The following AFF3 variants were observed in gnomAD, a reference collection of about 807,000 sequenced individuals.
AFF3 encodes the protein ALF transcription elongation factor 3.
A neutral mutation model predicts 129.7 loss-of-function variants in AFF3; 32 were observed. The observed-to-expected ratio is 0.25, with a 90% CI of 0.19 to 0.33. AFF3 has a LOEUF of 0.33. AFF3 is among the 10% of genes least tolerant of loss of function. AFF3 has a pLI of 1.00. For missense variants in AFF3, 1,373 were observed against 1,592.0 expected (o/e 0.86, Z 2.34); for synonymous variants, 644 against 635.4 (o/e 1.01, Z -0.20).
chr2:99,880,508 G>A (rs1195003091), intron 7 of AFF3, among the ~76,000 whole-genome samples: 4 of 152,236 alleles, frequency 2.6e-5, no homozygotes, highest in African/African-American at 9.6e-5. Context: ...AGGCTTGACA[G>A]GCGGCCATGG....
rs182502816 is a variant in AFF3 at position 99,984,340 on chromosome 2, A to G, written c.873+22292T>C. Among the ~76,000 whole-genome samples, 3 of 152,348 alleles carry G rather than the reference A, an allele frequency of 2.0e-5. 1 individual carries two copies. Among genetic ancestry groups the G allele is most frequent in the Admixed American group, 1.3e-4 (2 of 15,306 alleles). On this transcript the variant is annotated intron_variant, in intron 7 of 24. Transcript: ENST00000672756. Reference sequence around the variant, plus strand: ...TAAATCCAGTCCTGAGTAGAAAATTATAACAGTGAAAGAGATCACTTTCAC... The same window carrying G: ...TAAATCCAGTCCTGAGTAGAAAATTGTAACAGTGAAAGAGATCACTTTCAC...
intron 8 of AFF3, among the ~76,000 whole-genome samples, chr2:99,815,700 T>G (rs1353765005): frequency 5.3e-5 from 8 of 151,566 alleles, no homozygotes; most frequent in Non-Finnish European, 1.0e-4. Context: ...AATTCTGGGT[T>G]GAGAGTTTTT....
At chr2:99,923,108 C>A (rs1298944609) in intron 7 of AFF3, among the ~76,000 whole-genome samples, 5 of 152,170 alleles carry the variant, frequency 3.3e-5, no homozygotes, top group Non-Finnish European at 7.4e-5. Flanking sequence ...ATGCCAAATT[C>A]ATTATGTTTT....
At chr2:99,919,136 AC>A (rs1173188422) in intron 7 of AFF3, among the ~76,000 whole-genome samples, 4 of 152,158 alleles carry the variant, frequency 2.6e-5, no homozygotes, top group African/African-American at 9.7e-5. Context: ...CTCCACTGCA[AC>A]GTTTTCCCTC....
At chr2:99,660,115 C>T (rs1180734567) in intron 12 of AFF3, among the ~76,000 whole-genome samples, 1 of 152,154 alleles carries the variant, frequency 6.6e-6, no homozygotes. Context: ...CATTCTGGAC[C>T]TTTAAAAAGT....
chr2:99,858,657 C>A (rs1690719023), intron 7 of AFF3, among the ~76,000 whole-genome samples: 3 of 152,092 alleles, frequency 2.0e-5, no homozygotes, highest in Non-Finnish European at 1.5e-5. Flanking sequence ...GAACAGAAAA[C>A]CAAATACTGC....
At chr2:100,057,371 A>T (rs1392771647) in intron 4 of AFF3, among the ~76,000 whole-genome samples, 1 of 151,052 alleles carries the variant, frequency 6.6e-6, no homozygotes, top group Non-Finnish European at 1.5e-5. Flanking sequence ...TTCATATCCT[A>T]GGCCTGCCAC....
chr2:99,575,451 GGGTTTC>G (rs1347514646), intron 18 of AFF3, among the ~76,000 whole-genome samples: 1 of 146,002 alleles, frequency 6.8e-6, no homozygotes, highest in Non-Finnish European at 1.5e-5. Flanking sequence ...AGTAGAGATG[GGGTTTC>G]ACTGTGTTGG....
At position 99,709,716 on chromosome 2, in the gene AFF3, A is replaced by G. The variant is rs569347920; in HGVS notation, c.1091+17361T>C. On this transcript the variant is annotated intron_variant, in intron 11 of 24. Coordinates refer to ENST00000672756, the MANE Select transcript of AFF3 (RefSeq NM_001386135.1). Reference sequence around the variant, plus strand: ...ATATGGTTATCAGTTCTATCCAACTACTGGTTATTCTTGTTTCACCCTACT... The same window carrying G: ...ATATGGTTATCAGTTCTATCCAACTGCTGGTTATTCTTGTTTCACCCTACT... Among the ~76,000 whole-genome samples the G allele has an allele frequency of 3.3e-5, 5 of 152,256 alleles. No homozygotes were observed. The South Asian group carries it at 8.3e-4, about 25-fold the overall frequency.
chr2:100,119,899 T>C (rs555481997), intron 2 of AFF3, among the ~76,000 whole-genome samples: 1 of 152,314 alleles, frequency 6.6e-6, no homozygotes, highest in South Asian at 2.1e-4. Context: ...TGAATAAGTC[T>C]GTAGTTATTA....
chr2:99,966,059 G>C (rs1351974343), intron 7 of AFF3, among the ~76,000 whole-genome samples: 1 of 152,026 alleles, frequency 6.6e-6, no homozygotes, highest in Non-Finnish European at 1.5e-5. Context: ...TATTACAATA[G>C]ACAATGAAAT....
chr2:99,745,517 C>T (rs187921518), intron 9 of AFF3, among the ~76,000 whole-genome samples: 134 of 152,274 alleles, frequency 8.8e-4, no homozygotes, highest in African/African-American at 3.1e-3. Flanking sequence ...CTCCCTGATA[C>T]TTATGGTTTG....
rs1318631420 is a variant in AFF3, at chr2:99,787,437, T to G, written c.922-35136A>C. ...CCCCTGCAGTGTGAGCGCTGTATTT[T>G]GCTTTCTGAGAAAGCCTCACGGTTT... is the stretch of plus-strand genomic sequence containing the variant. On this transcript the variant is annotated intron_variant, in intron 8 of 24. Transcript: ENST00000672756. 2.0e-5 allele frequency among the ~76,000 whole-genome samples: 3 copies of G among 152,324 alleles called. No individual in the cohort carries two copies. In the East Asian group the frequency reaches 5.8e-4, roughly 29 times the overall value.
intron 14 of AFF3, among the ~76,000 whole-genome samples, chr2:99,599,127 C>G (rs1279435980): frequency 3.9e-5 from 6 of 152,204 alleles, no homozygotes; most frequent in African/African-American, 1.2e-4. Flanking sequence ...TAGCGAGGGG[C>G]CTCTGATAGC....
chr2:99,932,405 T>C (rs1464677954), intron 7 of AFF3, among the ~76,000 whole-genome samples: 3 of 152,196 alleles, frequency 2.0e-5, no homozygotes, highest in Non-Finnish European at 4.4e-5. Flanking sequence ...CCAGATTTTA[T>C]GCTGATTAAA....
chr2:100,037,476 AT>A (rs1685022843), intron 4 of AFF3, among the ~76,000 whole-genome samples: 1 of 102,142 alleles, frequency 9.8e-6, no homozygotes, highest in Non-Finnish European at 1.8e-5. Context: ...ATATATTTAT[AT>A]TTTATATATT....
chr2:99,671,241 G>A (rs1288159002), intron 12 of AFF3, among the ~76,000 whole-genome samples: 1 of 152,198 alleles, frequency 6.6e-6, no homozygotes, highest in African/African-American at 2.4e-5. Context: ...TAGATAAGAA[G>A]CCAAAATTAG....
At chr2:99,716,332 C>T (rs561267027) in intron 11 of AFF3, among the ~76,000 whole-genome samples, 1 of 152,196 alleles carries the variant, frequency 6.6e-6, no homozygotes, top group South Asian at 2.1e-4. Flanking sequence ...GGGATAGTAG[C>T]AGAATGGGAC....
intron 7 of AFF3, among the ~76,000 whole-genome samples, chr2:99,890,101 C>T (rs1036137502): frequency 2.0e-5 from 3 of 152,190 alleles, no homozygotes; most frequent in Non-Finnish European, 4.4e-5. Context: ...TGTTCTCCCC[C>T]GAGTGCCCCA....
Sources: gnomAD v4.1 joint callset for allele counts (sites outside exome capture counted in the v4.1 genomes callset) on GRCh38, gnomAD v4.1.1 for gene constraint, MANE v1.5 for transcripts, NCBI Gene and HGNC (gene_info 2026-07-23, HGNC 2026-07-21) for gene names.